SHANK2: variants seen among roughly 807,000 people sequenced by gnomAD.
The protein encoded by SHANK2 is SH3 and multiple ankyrin repeat domains 2, also known as SH3 and multiple ankyrin repeat domains protein 2.
In SHANK2, 43 loss-of-function variants were observed where a neutral mutation model predicts 133.7. The ratio of observed to expected loss-of-function variants is 0.32; its 90% confidence interval spans 0.25 to 0.41. The LOEUF is 0.41. Among genes scored for constraint, SHANK2 ranks in the 10% least tolerant of loss-of-function variants. The probability of loss-of-function intolerance (pLI) is 1.00; values close to 1 mark genes in which losing one functional copy is unlikely to be tolerated. For missense variants in SHANK2, 1,994 were observed against 2,235.8 expected (o/e 0.89, Z 2.18); for synonymous variants, 1,017 against 952.8 (o/e 1.07, Z -1.24).
chr11:71,204,183 C>T (rs1053739220), intron 2 of SHANK2, among the ~76,000 whole-genome samples: 2 of 152,108 alleles, frequency 1.3e-5, no homozygotes, highest in East Asian at 3.9e-4. Context: ...TGAGGTCTGG[C>T]TGGATTTACA....
At position 71,175,598 on chromosome 11, in the gene SHANK2, G is replaced by C. The variant is rs10897733; in HGVS notation, c.-12-28260C>G. ...AGAGAGAGAGAGAGAGAGAGAGAGA[G>C]AGAGACAGAGACAGAGACATCGCTT... On this transcript the variant is annotated intron_variant, in intron 2 of 25. Coordinates refer to ENST00000601538, the MANE Select transcript of SHANK2 (RefSeq NM_012309.5). The surrounding 1 kb of genome is among the most constrained non-coding windows in gnomAD (Gnocchi z 4.2). Among the ~76,000 whole-genome samples the C allele has an allele frequency of 0.36, 37,446 of 102,674 alleles. 6,460 individuals are homozygous for C. Among genetic ancestry groups the C allele is most frequent in the East Asian group, 0.52 (1,714 of 3,292 alleles). The allele number at this position is 102,674 out of a possible 152,430, so 67.4% of individuals were successfully genotyped here.
At chr11:70,678,531 G>GTTTTT (rs1565235163) in intron 15 of SHANK2, among the ~76,000 whole-genome samples, 2 of 126,742 alleles carry the variant, frequency 1.6e-5, no homozygotes, top group African/African-American at 7.1e-5. Flanking sequence ...CTAAGAACAG[G>GTTTTT]CTTTTTTTTT....
intron 11 of SHANK2, among the ~76,000 whole-genome samples, chr11:70,870,201 A>T (rs2135537073): frequency 6.6e-6 from 1 of 152,312 alleles, no homozygotes; most frequent in Non-Finnish European, 1.5e-5. Flanking sequence ...ACCCAGGCAG[A>T]GTGTGCTCCA....
intron 15 of SHANK2, among the ~76,000 whole-genome samples, chr11:70,674,420 C>A (rs1018451993): frequency 2.0e-5 from 3 of 151,810 alleles, no homozygotes; most frequent in African/African-American, 7.3e-5. Flanking sequence ...ATGATCTTGG[C>A]TCACTGCAAC....
intron 14 of SHANK2, among the ~76,000 whole-genome samples, chr11:70,727,383 T>C (rs1946199479): frequency 1.3e-5 from 2 of 152,218 alleles, no homozygotes. Flanking sequence ...GACAGCAGAA[T>C]TCCCTGAGGG....
At chr11:70,824,425 G>A (rs535033539) in intron 11 of SHANK2, among the ~76,000 whole-genome samples, 196 of 152,170 alleles carry the variant, frequency 1.3e-3, no homozygotes, top group Non-Finnish European at 2.2e-3. Flanking sequence ...CTAAGCAGCC[G>A]GGGCTCCTCA....
intron 11 of SHANK2, among the ~76,000 whole-genome samples, chr11:70,849,164 A>T (rs1004571719): frequency 2.6e-5 from 4 of 152,174 alleles, no homozygotes; most frequent in African/African-American, 9.7e-5. Flanking sequence ...ACATACACCC[A>T]TAGGCAGGGT....
Position 70,485,445 on chromosome 11 carries a change from G to A in SHANK2, c.4848C>T (p.Leu1616=), listed in dbSNP as rs1555152788. 4.3e-6 allele frequency: 7 copies of A among 1,614,038 alleles called. No individual in the cohort carries two copies. The highest frequency in any genetic ancestry group is 5.9e-6 in the Non-Finnish European group (7 of 1,180,034). The part of the protein sequence containing the change: ...GDVTEIKSPI[L]SGPKANVISE... ...TAATAACGTTTGCCTTTGGGCCTGAGAGAATCGGGCTTTTGATCTCTGTGA... is the reference window on the plus strand; with the variant it reads ...TAATAACGTTTGCCTTTGGGCCTGAAAGAATCGGGCTTTTGATCTCTGTGA... The change falls in exon 25 of 26, where the codon CTC becomes CTT. Residue 1616 remains leucine, a synonymous_variant. Transcript: ENST00000601538. The surrounding 1 kb of genome is among the most constrained non-coding windows in gnomAD (Gnocchi z 5.8).
At chr11:70,797,666 G>A (rs1947942351) in intron 14 of SHANK2, among the ~76,000 whole-genome samples, 1 of 152,176 alleles carries the variant, frequency 6.6e-6, no homozygotes, top group Non-Finnish European at 1.5e-5. Flanking sequence ...GCTCAGAGGC[G>A]GCAGGCTCCG....
rs369946620 is a variant in SHANK2 at position 71,110,346 on chromosome 11, G to C, written c.484-297C>G. Among the ~76,000 whole-genome samples the C allele has an allele frequency of 3.7e-4, 57 of 152,338 alleles. 1 individual carries two copies. The East Asian group carries it at 7.5e-3, about 20-fold the overall frequency. Reference sequence around the variant, plus strand: ...CCAGCTACTCGGGAGGTTGAGGCAGGAGAATGGCATGAACCTGGGAGGCGG... The same window carrying C: ...CCAGCTACTCGGGAGGTTGAGGCAGCAGAATGGCATGAACCTGGGAGGCGG... On this transcript the variant is annotated intron_variant, in intron 5 of 25. Transcript: ENST00000601538.
intron 17 of SHANK2, among the ~76,000 whole-genome samples, chr11:70,579,617 G>A (rs12420239): frequency 0.17 from 26,369 of 152,210 alleles, 2,496 homozygotes; most frequent in African/African-American, 0.23. Context: ...GGCCTGGGCC[G>A]GATCCCAGGA....
chr11:71,116,849 C>G (rs573277851), intron 4 of SHANK2, among the ~76,000 whole-genome samples: 1 of 152,134 alleles, frequency 6.6e-6, no homozygotes, highest in Non-Finnish European at 1.5e-5. Context: ...CTCCCCTGCT[C>G]GCTCTCACAC....
chr11:70,691,185 C>T (rs1185179880), intron 15 of SHANK2, among the ~76,000 whole-genome samples: 1 of 152,002 alleles, frequency 6.6e-6, no homozygotes, highest in Admixed American at 6.6e-5. Context: ...CTGGGGCAGC[C>T]GGACTGTGGG....
chr11:70,518,736 A>C (rs1554970507), intron 17 of SHANK2, among the ~76,000 whole-genome samples: 1 of 152,184 alleles, frequency 6.6e-6, no homozygotes, highest in Non-Finnish European at 1.5e-5. Flanking sequence ...TTCTGCGACG[A>C]GACAGCACCG....
intron 17 of SHANK2, among the ~76,000 whole-genome samples, chr11:70,536,260 A>AGTGGTGGGGT (rs2059542385): frequency 6.6e-6 from 1 of 152,212 alleles, no homozygotes; most frequent in Admixed American, 6.5e-5. Context: ...GCCAGCTGTA[A>AGTGGTGGGGT]GTGGCGGGGT....
intron 10 of SHANK2, chr11:70,943,191 C>A (rs144082454): frequency 4.6e-6 from 2 of 430,222 alleles, no homozygotes; most frequent in African/African-American, 2.0e-5. Context: ...GCTCAGTCAC[C>A]GACATGTTCA....
chr11:70,662,310 G>C (rs1252152871), intron 15 of SHANK2: 1 of 168,146 alleles, frequency 5.9e-6, no homozygotes, highest in African/African-American at 2.4e-5. Flanking sequence ...GGCGCCGGCG[G>C]TGTGCGGCAG....
chr11:71,118,870 C>T lies in SHANK2; in HGVS notation c.370G>A (p.Glu124Lys), dbSNP rs1300066048. The T allele has an allele frequency of 4.2e-5, 65 of 1,551,510 alleles. No homozygotes were observed. Among genetic ancestry groups the T allele is most frequent in the African/African-American group, 6.8e-5 (5 of 73,066 alleles). ...CCCTCACCCACGGGCTGTGGGTACT[C>T]GCGCAGGAGCCGCTCCTCATCCAGG... is the stretch of plus-strand genomic sequence containing the variant. The part of the protein sequence containing the change: ...KFLDEERLLR[E>K]YPQPVGEGVP... The change falls in exon 4 of 26, where the codon GAG becomes AAG. Residue 124 changes from glutamate (E) to lysine (K), a missense_variant. By Grantham distance (56) the Glu-to-Lys change is moderately conservative. Around this residue, in one of 5 missense-constraint regions of SHANK2, gnomAD observed 653 missense variants for 563.4 expected, o/e 1.16. Coordinates refer to ENST00000601538, the MANE Select transcript of SHANK2 (RefSeq NM_012309.5).
chr11:70,849,431 A>G (rs1949050525), intron 11 of SHANK2, among the ~76,000 whole-genome samples: 1 of 152,244 alleles, frequency 6.6e-6, no homozygotes, highest in Admixed American at 6.5e-5. Flanking sequence ...GAACAGGGAC[A>G]TGGAACCTGG....
Sources: allele counts gnomAD v4.1 joint callset (sites outside exome capture counted in the v4.1 genomes callset), GRCh38; gene constraint gnomAD v4.1.1; regional missense constraint gnomAD v4.1.1; non-coding constraint Gnocchi (gnomAD v3.1); transcripts MANE v1.5; gene names NCBI Gene and HGNC (gene_info 2026-07-23, HGNC 2026-07-21).